CSMD1: variants seen among roughly 807,000 people sequenced by gnomAD.
The protein encoded by CSMD1 is CUB and Sushi multiple domains 1.
A neutral mutation model predicts 417.5 loss-of-function variants in CSMD1; 213 were observed. The ratio of observed to expected loss-of-function variants is 0.51; its 90% CI spans 0.46 to 0.57. CSMD1 has a LOEUF of 0.57. Among genes scored for constraint, CSMD1 ranks in the 20% least tolerant of loss-of-function variants. CSMD1 has a pLI of 0.00. For synonymous variants in CSMD1, 2,862 were observed against 1,736.8 expected, an observed-to-expected ratio of 1.65 and a Z score of -16.11; for missense variants, 6,923 against 4,529.7, an observed-to-expected ratio of 1.53 and a Z score of -15.17.
chr8:4,424,582 T>G (rs867222838), intron 2 of CSMD1, among the ~76,000 whole-genome samples: 2 of 152,100 alleles, frequency 1.3e-5, no homozygotes, highest in Non-Finnish European at 2.9e-5. Context: ...GAAAATTGGT[T>G]GCTCTTATAC....
intron 3 of CSMD1, among the ~76,000 whole-genome samples, chr8:4,252,694 A>G (rs1803160061): frequency 6.6e-6 from 1 of 152,228 alleles, no homozygotes. Context: ...GTGAAATGCT[A>G]ACAATATCTC....
Position 4,284,238 on chromosome 8 carries a change from C to A in CSMD1, c.415+135715G>T, listed in dbSNP as rs540870732. Among the ~76,000 whole-genome samples, 26 of 152,162 alleles carry A rather than the reference C, an allele frequency of 1.7e-4. No homozygotes were observed. The East Asian group carries it at 2.3e-3, about 14-fold the overall frequency. On this transcript the variant is annotated intron_variant, in intron 3 of 69. Coordinates refer to ENST00000635120, the MANE Select transcript of CSMD1 (RefSeq NM_033225.6). ...CAAAAATTAGCTGGGCGTGGTGGCACGTGCCTGTAATGTTAGCTGCTCGCG... is the reference window on the plus strand; with the variant it reads ...CAAAAATTAGCTGGGCGTGGTGGCAAGTGCCTGTAATGTTAGCTGCTCGCG...
At chr8:4,436,441 A>C (rs897014110) in intron 2 of CSMD1, among the ~76,000 whole-genome samples, 48 of 152,088 alleles carry the variant, frequency 3.2e-4, no homozygotes, top group Admixed American at 3.1e-3. Flanking sequence ...TGTGGGGTAC[A>C]TGGCATGTTT....
chr8:4,052,336 G>C (rs1486432319), intron 3 of CSMD1, among the ~76,000 whole-genome samples: 1 of 152,154 alleles, frequency 6.6e-6, no homozygotes, highest in South Asian at 2.1e-4. Context: ...ATATGCACAA[G>C]GAGTATAATG....
chr8:4,682,721 T>C (rs1025691296), intron 1 of CSMD1, among the ~76,000 whole-genome samples: 1 of 151,744 alleles, frequency 6.6e-6, no homozygotes, highest in Non-Finnish European at 1.5e-5. Flanking sequence ...TCTATATTAT[T>C]TGTCCAATAT....
rs548583318 is a variant in CSMD1, at chr8:4,224,966, G to C, written c.416-192867C>G. Among the ~76,000 whole-genome samples the C allele has an allele frequency of 4.6e-5, 7 of 152,262 alleles. No homozygotes were observed. In the South Asian group the frequency reaches 1.5e-3, roughly 32 times the overall value. On this transcript the variant is annotated intron_variant, in intron 3 of 69. Coordinates refer to ENST00000635120, the MANE Select transcript of CSMD1 (RefSeq NM_033225.6). ...TCACTAATAAAATTAAAAAAAATTA[G>C]TTGGGCGTGGTGCCGTGCACCTGAA...
intron 12 of CSMD1, among the ~76,000 whole-genome samples, chr8:3,438,712 G>C (rs375071463): frequency 6.6e-6 from 1 of 152,060 alleles, no homozygotes; most frequent in Admixed American, 6.6e-5. Context: ...ACATATTCCT[G>C]CTACTATTAC....
chr8:3,502,996 G>A (rs145469166), intron 10 of CSMD1, among the ~76,000 whole-genome samples: 4 of 152,270 alleles, frequency 2.6e-5, no homozygotes, highest in South Asian at 2.1e-4. Context: ...TGTGGGGGCA[G>A]GGGGTACGGG....
At chr8:4,351,562 C>A (rs1801095550) in intron 3 of CSMD1, among the ~76,000 whole-genome samples, 1 of 152,116 alleles carries the variant, frequency 6.6e-6, no homozygotes, top group South Asian at 2.1e-4. Flanking sequence ...GTCAGTTTGG[C>A]TTTAAAATGC....
At chr8:4,308,545 G>A (rs1465751074) in intron 3 of CSMD1, among the ~76,000 whole-genome samples, 2 of 152,188 alleles carry the variant, frequency 1.3e-5, no homozygotes, top group Admixed American at 6.6e-5. Context: ...AGAGTTGGAC[G>A]TTGTCTTCGA....
intron 10 of CSMD1, among the ~76,000 whole-genome samples, chr8:3,495,880 A>G (rs1262839787): frequency 6.6e-6 from 1 of 152,110 alleles, no homozygotes; most frequent in Non-Finnish European, 1.5e-5. Flanking sequence ...TGGATGCTCC[A>G]TATTTCTTTT....
intron 1 of CSMD1, among the ~76,000 whole-genome samples, chr8:4,855,156 T>G (rs1323915449): frequency 6.6e-6 from 1 of 151,006 alleles, no homozygotes; most frequent in Non-Finnish European, 1.5e-5. Context: ...AGGGGCACAC[T>G]GACACCTCAC....
At chr8:4,145,282 AATGCTTTCTTGTTGAG>A (rs1804042051) in intron 3 of CSMD1, among the ~76,000 whole-genome samples, 3 of 151,082 alleles carry the variant, frequency 2.0e-5, no homozygotes, top group Non-Finnish European at 2.9e-5. Flanking sequence ...TTAGACTTCC[AATGCTTTCTTGTTGAG>A]AACTTTATGG....
At chr8:3,252,454 T>A (rs1800341670) in intron 26 of CSMD1, among the ~76,000 whole-genome samples, 1 of 152,234 alleles carries the variant, frequency 6.6e-6, no homozygotes, top group Non-Finnish European at 1.5e-5. Flanking sequence ...TATTGTTGGA[T>A]TCACTTTGCC....
intron 2 of CSMD1, among the ~76,000 whole-genome samples, chr8:4,634,481 C>G (rs931257431): frequency 2.6e-5 from 4 of 152,144 alleles, no homozygotes; most frequent in Non-Finnish European, 4.4e-5. Context: ...AGTTAATGCA[C>G]ATTTTAAACT....
intron 3 of CSMD1, among the ~76,000 whole-genome samples, chr8:4,214,239 C>T (rs1033893604): frequency 2.4e-4 from 37 of 152,086 alleles, no homozygotes; most frequent in African/African-American, 8.9e-4. Flanking sequence ...TGGAAGTAAG[C>T]CTTGAAATGT....
At chr8:3,326,338 A>G (rs768368218) in intron 23 of CSMD1, among the ~76,000 whole-genome samples, 4 of 152,204 alleles carry the variant, frequency 2.6e-5, no homozygotes, top group East Asian at 1.9e-4. Context: ...TTTTCTTACA[A>G]TGGTCATCGT....
At chr8:3,783,688 A>G (rs1434840006) in intron 5 of CSMD1, among the ~76,000 whole-genome samples, 1 of 152,176 alleles carries the variant, frequency 6.6e-6, no homozygotes, top group East Asian at 1.9e-4. Flanking sequence ...CAGCAGTCAA[A>G]CGGAGGCTCC....
intron 10 of CSMD1, among the ~76,000 whole-genome samples, chr8:3,574,023 C>G (rs1409035108): frequency 6.6e-6 from 1 of 151,898 alleles, no homozygotes; most frequent in Admixed American, 6.6e-5. Context: ...GATTTCTATC[C>G]TAAGATTTAA....
Sources: allele counts gnomAD v4.1 joint callset (sites outside exome capture counted in the v4.1 genomes callset), GRCh38; gene constraint gnomAD v4.1.1; transcripts MANE v1.5; gene names NCBI Gene and HGNC (gene_info 2026-07-23, HGNC 2026-07-21).